AGAP1: variants seen among roughly 807,000 people sequenced by gnomAD.
The protein encoded by AGAP1 is arf-GAP with GTPase, ANK repeat and PH domain-containing protein 1.
AGAP1 carries 29 observed loss-of-function variants against 105.3 expected under a neutral mutation model. The ratio of observed to expected loss-of-function variants is 0.28; its 90% CI spans 0.21 to 0.38. AGAP1 has a LOEUF of 0.38. Among genes scored for constraint, AGAP1 ranks in the 10% least tolerant of loss-of-function variants. AGAP1 has a pLI of 1.00. For synonymous variants in AGAP1, 509 were observed against 485.9 expected (o/e 1.05, Z -0.63); for missense variants, 998 against 1,165.1 (o/e 0.86, Z 2.09).
At chr2:235,935,522 C>T (rs927498942) in intron 12 of AGAP1, among the ~76,000 whole-genome samples, 1 of 150,614 alleles carries the variant, frequency 6.6e-6, no homozygotes, top group South Asian at 2.1e-4. Flanking sequence ...TGTGTAGATT[C>T]TTTATGGACC....
rs144405474 is a variant in AGAP1, at chr2:236,035,610, TG to T, written c.1646-948del. ...TGGCACTCCAGCTTGGACAACAAAG[TG>T]GGACTCCATCTCAAAAACAGTTCTT... is the stretch of plus-strand genomic sequence containing the variant. On this transcript the variant is annotated intron_variant, in intron 13 of 17. Coordinates refer to ENST00000304032, the MANE Select transcript of AGAP1 (RefSeq NM_001037131.3). This position sits in a 1 kb window ranked among gnomAD's most constrained non-coding sequence, Gnocchi z 4.2. Among the ~76,000 whole-genome samples, 1,549 of 152,232 alleles carry T rather than the reference TG, an allele frequency of 0.01. 24 individuals carry two copies. Among genetic ancestry groups the T allele is most frequent in the African/African-American group, 0.035 (1,441 of 41,536 alleles).
At position 235,843,642 on chromosome 2, in the gene AGAP1, C is replaced by T. The variant is rs183594166; in HGVS notation, c.1050+36311C>T. 1.6e-3 allele frequency among the ~76,000 whole-genome samples: 245 copies of T among 152,208 alleles called. No individual in the cohort carries two copies. Among genetic ancestry groups the T allele is most frequent in the Non-Finnish European group, 1.8e-3 (122 of 68,020 alleles). On this transcript the variant is annotated intron_variant, in intron 9 of 17. Coordinates refer to ENST00000304032, the MANE Select transcript of AGAP1 (RefSeq NM_001037131.3). The surrounding 1 kb of genome is among the most constrained non-coding windows in gnomAD (Gnocchi z 5.9). Reference sequence around the variant, plus strand: ...TCTGTGGTCTTTCTGCACCTGGGCTCCCCTCCGCCCTGCATCTGAGATCTC... The same window carrying T: ...TCTGTGGTCTTTCTGCACCTGGGCTTCCCTCCGCCCTGCATCTGAGATCTC...
At chr2:235,871,813 A>G (rs3820776) in intron 9 of AGAP1, among the ~76,000 whole-genome samples, 59,962 of 152,038 alleles carry the variant, frequency 0.39, 12,920 homozygotes, top group South Asian at 0.65. Context: ...ATTAAACCCA[A>G]TGGAGATAGT....
Position 235,712,941 on chromosome 2 carries a change from C to T in AGAP1, c.222+3704C>T, listed in dbSNP as rs28736755. Among the ~76,000 whole-genome samples the T allele has an allele frequency of 0.012, 1,851 of 152,312 alleles. 47 individuals carry two copies. The highest frequency in any genetic ancestry group is 0.042 in the African/African-American group (1,765 of 41,554). ...TTTCACCATCAACTGTTAATTTCCA[C>T]CAGCGTTTCAAATTAAAATGATGCC... On this transcript the variant is annotated intron_variant, in intron 2 of 17. Transcript: ENST00000304032. The surrounding 1 kb of genome is among the most constrained non-coding windows in gnomAD (Gnocchi z 6.0).
In AGAP1 at chr2:235,774,601, A is replaced by G. The variant is rs191252646; in HGVS notation, c.674-23158A>G. On this transcript the variant is annotated intron_variant, in intron 6 of 17. Transcript: ENST00000304032. ...AAATGAAGCCAGGGCTCTGAAGTAG[A>G]GCTGGGCCTAAATGCAGTGATTAAA... The G allele has an allele frequency of 3.4e-5, 10 of 290,356 alleles. No individual in the cohort carries two copies. In the East Asian group the frequency reaches 9.7e-4, roughly 28 times the overall value. 18.0% of individuals were successfully genotyped at this position (290,356 alleles called of 1,614,324 possible). A position where few individuals can be genotyped will look rare whatever the true frequency, so the allele number is the denominator to read the frequency against.
intron 1 of AGAP1, among the ~76,000 whole-genome samples, chr2:235,667,939 G>T: frequency 8.1e-6 from 1 of 124,084 alleles, no homozygotes; most frequent in South Asian, 2.5e-4. Context: ...GACTGGGCAA[G>T]AGCGAGTGAG....
intron 1 of AGAP1, among the ~76,000 whole-genome samples, chr2:235,575,859 G>A (rs1944715182): frequency 6.6e-6 from 1 of 152,166 alleles, no homozygotes; most frequent in Non-Finnish European, 1.5e-5. Context: ...GGGGAGGGAA[G>A]TCTGTCTCCA....
At chr2:236,081,412 C>T (rs1004804388) in intron 16 of AGAP1, among the ~76,000 whole-genome samples, 2 of 152,178 alleles carry the variant, frequency 1.3e-5, no homozygotes, top group Non-Finnish European at 2.9e-5. Flanking sequence ...TGCATTTGGA[C>T]GGACACTTTG....
intron 9 of AGAP1, among the ~76,000 whole-genome samples, chr2:235,815,326 G>A (rs972413192): frequency 1.3e-5 from 2 of 152,204 alleles, no homozygotes; most frequent in African/African-American, 4.8e-5. Context: ...GCTTGAGCCT[G>A]TTGCCTTCTT....
intron 9 of AGAP1, among the ~76,000 whole-genome samples, chr2:235,826,459 T>C (rs1290598947): frequency 1.3e-5 from 2 of 152,108 alleles, no homozygotes; most frequent in Admixed American, 1.3e-4. Context: ...CCCACTCCTT[T>C]TTTTGAGACA....
chr2:235,827,966 G>A (rs1959163906), intron 9 of AGAP1, among the ~76,000 whole-genome samples: 2 of 152,218 alleles, frequency 1.3e-5, no homozygotes, highest in African/African-American at 4.8e-5. Context: ...CCAGCCTGCG[G>A]GACTCCAGGA....
In AGAP1 at chr2:236,113,585, G is replaced by T. The variant is rs2059702448; in HGVS notation, c.2115-6607G>T. Among the ~76,000 whole-genome samples, 1 of 152,208 alleles carries T rather than the reference G, an allele frequency of 6.6e-6. No homozygotes were observed. The highest frequency in any genetic ancestry group is 2.4e-5 in the African/African-American group (1 of 41,448). ...CCAGCTGAGTCATGCAGTGGATTTGGCATGGCAGGCACTAAGTATGCGGGT... is the reference window on the plus strand; with the variant it reads ...CCAGCTGAGTCATGCAGTGGATTTGTCATGGCAGGCACTAAGTATGCGGGT... On this transcript the variant is annotated intron_variant, in intron 16 of 17. Coordinates refer to ENST00000304032, the MANE Select transcript of AGAP1 (RefSeq NM_001037131.3). This position sits in a 1 kb window ranked among gnomAD's most constrained non-coding sequence, Gnocchi z 4.3.
intron 5 of AGAP1, among the ~76,000 whole-genome samples, chr2:235,749,682 T>TAACC (rs1489521951): frequency 6.6e-6 from 1 of 152,152 alleles, no homozygotes; most frequent in Non-Finnish European, 1.5e-5. Flanking sequence ...AGGTGAGGGT[T>TAACC]CCCTGACCTC....
In AGAP1 at chr2:236,095,197, GA is replaced by G. The variant is rs1236154761; in HGVS notation, c.2115-24994del. 1.3e-5 allele frequency among the ~76,000 whole-genome samples: 2 copies of G among 152,030 alleles called. No individual in the cohort carries two copies. The highest frequency in any genetic ancestry group is 2.9e-5 in the Non-Finnish European group (2 of 68,008). ...GGATTGCTTGAGCTCAGGAGTTCGA[GA>G]CCAGCCTGGGAACTGTGGTGAAACC... On this transcript the variant is annotated intron_variant, in intron 16 of 17. Coordinates refer to ENST00000304032, the MANE Select transcript of AGAP1 (RefSeq NM_001037131.3). This position sits in a 1 kb window ranked among gnomAD's most constrained non-coding sequence, Gnocchi z 4.1.
intron 9 of AGAP1, among the ~76,000 whole-genome samples, chr2:235,839,503 T>TCGGGAGGCCAGGA (rs112743648): frequency 0.062 from 9,495 of 152,158 alleles, 955 homozygotes; most frequent in African/African-American, 0.21. Context: ...TCTCAGCACT[T>TCGGGAGGCCAGGA]CGGGAGGCCA....
chr2:236,014,187 C>T lies in AGAP1; in HGVS notation c.1646-22374C>T, dbSNP rs566592534. Among the ~76,000 whole-genome samples the T allele has an allele frequency of 6.6e-6, 1 of 152,228 alleles. No homozygotes were observed. Among genetic ancestry groups the T allele is most frequent in the African/African-American group, 2.4e-5 (1 of 41,542 alleles). On this transcript the variant is annotated intron_variant, in intron 13 of 17. Transcript: ENST00000304032. The surrounding 1 kb of genome is among the most constrained non-coding windows in gnomAD (Gnocchi z 6.3). ...GGTTCCTAGGAGCTCCATTTAGAGC[C>T]GTAACTCCCCCGAGTGTCAAAGAGA...
At chr2:235,933,267 G>A (rs1461662724) in intron 12 of AGAP1, among the ~76,000 whole-genome samples, 8 of 152,094 alleles carry the variant, frequency 5.3e-5, no homozygotes, top group East Asian at 1.9e-4. Context: ...GGGGCACTTC[G>A]GACAAAGACC....
intron 1 of AGAP1, among the ~76,000 whole-genome samples, chr2:235,576,337 C>T (rs937659194): frequency 2.0e-5 from 3 of 152,208 alleles, no homozygotes; most frequent in African/African-American, 7.2e-5. Flanking sequence ...TAACCTGGTT[C>T]ACTAGAAGCT....
chr2:236,020,334 G>A lies in AGAP1; in HGVS notation c.1646-16227G>A, dbSNP rs1245055119. Among the ~76,000 whole-genome samples, 4 of 152,254 alleles carry A rather than the reference G, an allele frequency of 2.6e-5. No individual in the cohort carries two copies. The highest frequency in any genetic ancestry group is 7.2e-5 in the African/African-American group (3 of 41,468). The stretch of plus-strand genomic sequence containing the variant: ...TGTTTGAACGTTGTTTATGTAGCCA[G>A]GAACAGAGATTTGAAAAGACGTGTT... On this transcript the variant is annotated intron_variant, in intron 13 of 17. Coordinates refer to ENST00000304032, the MANE Select transcript of AGAP1 (RefSeq NM_001037131.3). This position sits in a 1 kb window ranked among gnomAD's most constrained non-coding sequence, Gnocchi z 5.0.
Sources: allele counts gnomAD v4.1 joint callset (sites outside exome capture counted in the v4.1 genomes callset), GRCh38; gene constraint gnomAD v4.1.1; non-coding constraint Gnocchi (gnomAD v3.1); transcripts MANE v1.5; gene names NCBI Gene and HGNC (gene_info 2026-07-23, HGNC 2026-07-21).